The following B4GALNT4 variants were observed in gnomAD, a reference collection of about 807,000 sequenced individuals.
The protein encoded by B4GALNT4 is beta-1,4-N-acetyl-galactosaminyltransferase 4, also known as N-acetyl-beta-glucosaminyl-glycoprotein 4-beta-N-acetylgalactosaminyltransferase 1.
B4GALNT4 carries 77 observed loss-of-function variants against 110.0 expected under a neutral mutation model. The ratio of observed to expected loss-of-function variants is 0.70; its 90% CI spans 0.58 to 0.85. B4GALNT4 has a LOEUF of 0.85. Ranked by LOEUF, B4GALNT4 falls within the 40% of genes least tolerant of loss-of-function variation. The pLI is 0.00. For missense variants in B4GALNT4, 1,575 were observed against 1,506.0 expected, an observed-to-expected ratio of 1.05 and a Z score of -0.76; for synonymous variants, 785 against 655.5, an observed-to-expected ratio of 1.20 and a Z score of -3.02.
chr11:373,708 G>C (rs1225020006), intron 7 of B4GALNT4, 42 bp from the exon 8 acceptor site: 2 of 1,599,384 alleles, frequency 1.3e-6, no homozygotes. Flanking sequence ...CACTATTTGA[G>C]CGTCCTGTGC....
chr11:371,932 G>T (rs1175804808), intron 1 of B4GALNT4, among the ~76,000 whole-genome samples, 177 bp from the exon 2 acceptor site: 1 of 152,218 alleles, frequency 6.6e-6, no homozygotes, highest in Non-Finnish European at 1.5e-5. Flanking sequence ...CTTGCTGGGG[G>T]GAGGGGCATC....
intron 6 of B4GALNT4, 35 bp from the exon 7 acceptor site, chr11:373,414 C>CCCCCA: frequency 9.0e-7 from 1 of 1,111,260 alleles, no homozygotes; most frequent in South Asian, 1.3e-5. Context: ...GTGAACCCCC[C>CCCCCA]CCCCCACCAC....
rs1564872621 is a variant in B4GALNT4 at position 379,999 on chromosome 11, G to A, written c.2622G>A (p.Leu874=). Residue 874 remains leucine (L), a synonymous_variant, in exon 16 of 20, where the codon CTG becomes CTA. Coordinates refer to ENST00000329962, the MANE Select transcript of B4GALNT4 (RefSeq NM_178537.5). ...AGGATATGGACGTGGAGCGGGCCCT[G>A]CGCGCCGCGCGCCTGCCCCGGTAAC... ...ESEDMDVERA[L]RAARLPRYQY... is the part of the protein sequence containing the mutation. 1 of 1,612,646 alleles carries A rather than the reference G, an allele frequency of 6.2e-7. No homozygotes were observed. The highest frequency in any genetic ancestry group is 2.2e-5 in the East Asian group (1 of 44,850).
In B4GALNT4 at chr11:375,919, A is replaced by G. The variant is rs756117922; in HGVS notation, c.1058A>G (p.Lys353Arg). 1.9e-6 allele frequency: 3 copies of G among 1,612,028 alleles called. No individual in the cohort carries two copies. The highest frequency in any genetic ancestry group is 2.5e-6 in the Non-Finnish European group (3 of 1,179,576). The change falls in exon 11 of 20, where the codon AAG becomes AGG. Residue 353 changes from lysine to arginine, a missense_variant. Lys to Arg is a conservative substitution (Grantham distance 26). Coordinates refer to ENST00000329962, the MANE Select transcript of B4GALNT4 (RefSeq NM_178537.5). ...GCCTACGCCCCCACCTACGTGGTCA[A>G]GGACTTCCCGATCGCCAGATACCAG... ...PCAYAPTYVV[K>R]DFPIARYQGL...
In B4GALNT4 at chr11:376,407, C is replaced by T. The variant is rs775519823; in HGVS notation, c.1298-14C>T. The T allele has an allele frequency of 1.2e-6, 2 of 1,600,862 alleles. No individual in the cohort carries two copies. The highest frequency in any genetic ancestry group is 1.7e-6 in the Non-Finnish European group (2 of 1,177,890). ...CCACCTGCGCAGGGAGCTTCTAACC[C>T]GCGTTTCCCGCAGACTTCCTGGACG... On this transcript the variant is annotated splice_polypyrimidine_tract_variant and intron_variant, in intron 13 of 19. Coordinates refer to ENST00000329962, the MANE Select transcript of B4GALNT4 (RefSeq NM_178537.5).
At position 373,072 on chromosome 11, in the gene B4GALNT4, A is replaced by G. The variant is rs1196177322; in HGVS notation, c.491A>G (p.Asn164Ser). Reference protein sequence around the residue: ...KKLAVSPKWKNYGLRIFGFIH... With the variant: ...KKLAVSPKWKSYGLRIFGFIH... ...TTGGCCGTGTCCCCCAAGTGGAAGAACTATGGACTCCGTATTTTTGGTTTC... is the reference window on the plus strand; with the variant it reads ...TTGGCCGTGTCCCCCAAGTGGAAGAGCTATGGACTCCGTATTTTTGGTTTC... Residue 164 changes from asparagine to serine, a missense_variant, in exon 5 of 20, where the codon AAC becomes AGC. Physicochemically the swap from Asn to Ser is conservative, Grantham distance 46 (BLOSUM62 1). Transcript: ENST00000329962. 1.2e-6 allele frequency: 2 copies of G among 1,612,172 alleles called. No homozygotes were observed. The highest frequency in any genetic ancestry group is 1.7e-6 in the Non-Finnish European group (2 of 1,179,804).
chr11:378,459 G>A (rs934537320), intron 14 of B4GALNT4, among the ~76,000 whole-genome samples: 1 of 152,174 alleles, frequency 6.6e-6, no homozygotes, highest in Non-Finnish European at 1.5e-5. Flanking sequence ...GCCCACCTGG[G>A]TATGGCTCAA....
chr11:379,576 A>T lies in B4GALNT4; in HGVS notation c.2363A>T (p.Asp788Val). ...FLRLPGARVG[D>V]ADGESPEPAP... Reference sequence around the variant, plus strand: ...CGGCTGCCGGGAGCCCGCGTAGGGGATGCAGACGGAGAAAGTCCCGAACCC... The same window carrying T: ...CGGCTGCCGGGAGCCCGCGTAGGGGTTGCAGACGGAGAAAGTCCCGAACCC... The change falls in exon 15 of 20, where the codon GAT becomes GTT. Residue 788 changes from aspartate (D) to valine (V), a missense_variant. By Grantham distance (152) the Asp-to-Val change is radical (BLOSUM62 -3). Coordinates refer to ENST00000329962, the MANE Select transcript of B4GALNT4 (RefSeq NM_178537.5). The T allele has an allele frequency of 6.3e-7, 1 of 1,585,084 alleles. No homozygotes were observed. Among genetic ancestry groups the T allele is most frequent in the South Asian group, 1.1e-5 (1 of 89,452 alleles).
Position 381,865 on chromosome 11 carries a change from CCGAG to C in B4GALNT4, c.*74_*77del. On this transcript the variant is annotated 3_prime_UTR_variant, in exon 20 of 20. Transcript: ENST00000329962. Reference sequence around the variant, plus strand: ...TGGGGGCTGGGCTTTGAGCTCGGTCCCGAGAGACCCGGCAGGGCTGGTCAGAGGG... The same window carrying C: ...TGGGGGCTGGGCTTTGAGCTCGGTCCAGACCCGGCAGGGCTGGTCAGAGGG... 1 of 1,447,116 alleles carries C rather than the reference CCGAG, an allele frequency of 6.9e-7. No individual in the cohort carries two copies. The highest frequency in any genetic ancestry group is 1.4e-5 in the South Asian group (1 of 71,912). 89.6% of individuals were successfully genotyped at this position (1,447,116 alleles called of 1,614,324 possible).
intron 6 of B4GALNT4, 26 bp from the exon 7 acceptor site, chr11:373,419 CACCA>C (rs1590335633): frequency 3.3e-4 from 354 of 1,083,520 alleles, no homozygotes; most frequent in Admixed American, 1.5e-3. Context: ...CCCCCCCCCC[CACCA>C]CCACCCCTGC....
At chr11:374,203 T>C (rs1846678167) in intron 8 of B4GALNT4, among the ~76,000 whole-genome samples, 1 of 152,102 alleles carries the variant, frequency 6.6e-6, no homozygotes, top group Non-Finnish European at 1.5e-5. Flanking sequence ...AGCAGCACTC[T>C]GGACAGATAG....
intron 14 of B4GALNT4, among the ~76,000 whole-genome samples, chr11:377,794 C>T (rs1023957168): frequency 7.2e-5 from 11 of 152,238 alleles, no homozygotes; most frequent in African/African-American, 2.7e-4. Context: ...TGTCAGGACC[C>T]GACTGCAGAG....
At position 379,424 on chromosome 11, in the gene B4GALNT4, C is replaced by T. The variant is rs1052412534; in HGVS notation, c.2211C>T (p.Phe737=). The T allele has an allele frequency of 1.3e-6, 2 of 1,516,644 alleles. No homozygotes were observed. Among genetic ancestry groups the T allele is most frequent in the Admixed American group, 4.4e-5 (2 of 45,884 alleles). The allele number at this position is 1,516,644 out of a possible 1,614,324, so 93.9% of individuals were successfully genotyped here. A position where few individuals can be genotyped will look rare whatever the true frequency, so the allele number is the denominator to read the frequency against. The change falls in exon 15 of 20, where the codon TTC becomes TTT. Residue 737 remains phenylalanine (F), a synonymous_variant. Transcript: ENST00000329962. ...TGACCGCTGAGCCTTGCAGGCGCTT[C>T]GCGCTTCTGCGCATCGTGAACGTGG... is the stretch of plus-strand genomic sequence containing the variant. ...ERLNARHGGR[F]ALLRIVNVEK... is the part of the protein sequence containing the mutation.
Position 379,583 on chromosome 11 carries a change from C to A in B4GALNT4, c.2370C>A (p.Asp790Glu). The A allele has an allele frequency of 1.9e-6, 3 of 1,583,396 alleles. No individual in the cohort carries two copies. Among genetic ancestry groups the A allele is most frequent in the Non-Finnish European group, 2.6e-6 (3 of 1,166,424 alleles). Residue 790 changes from aspartate to glutamate, a missense_variant, in exon 15 of 20, where the codon GAC becomes GAA. Coordinates refer to ENST00000329962, the MANE Select transcript of B4GALNT4 (RefSeq NM_178537.5). ...RLPGARVGDA[D>E]GESPEPAPAA... The stretch of plus-strand genomic sequence containing the variant: ...CGGGAGCCCGCGTAGGGGATGCAGA[C>A]GGAGAAAGTCCCGAACCCGCTCCCG...
chr11:379,902 C>T lies in B4GALNT4; in HGVS notation c.2525C>T (p.Ala842Val), dbSNP rs761780147. ...GCACGGTGGGTGGCACAGTTCCTGG[C>T]GGACATGGCTGCGCTGCACGCGCGC... ...NQARWVAQFLADMAALHARTG... is the reference protein window; with the variant it reads ...NQARWVAQFLVDMAALHARTG... The change falls in exon 16 of 20, where the codon GCG (alanine) becomes GTG (valine). Residue 842 changes from alanine to valine, a missense_variant. Transcript: ENST00000329962. 6 of 1,608,236 alleles carry T rather than the reference C, an allele frequency of 3.7e-6. No homozygotes were observed. The highest frequency in any genetic ancestry group is 1.1e-5 in the South Asian group (1 of 90,896).
Position 372,295 on chromosome 11 carries a change from C to T in B4GALNT4, c.255+83C>T, listed in dbSNP as rs1273067195. The T allele has an allele frequency of 7.7e-6, 10 of 1,301,466 alleles. 1 individual carries two copies. In the South Asian group the frequency reaches 1.1e-4, roughly 15 times the overall value. 80.6% of individuals were successfully genotyped at this position (1,301,466 alleles called of 1,614,324 possible). A position where few individuals can be genotyped will look rare whatever the true frequency, so the allele number is the denominator to read the frequency against. On this transcript the variant is annotated intron_variant, in intron 2 of 19. Transcript: ENST00000329962. ...GTGTGTTGGTGTCTTGAGAACCTGTCCATTCTGGAGGACGCAGCAGGGGGC... is the reference window on the plus strand; with the variant it reads ...GTGTGTTGGTGTCTTGAGAACCTGTTCATTCTGGAGGACGCAGCAGGGGGC...
rs1846725787 is a variant in B4GALNT4, at chr11:375,523, C to T, written c.846C>T (p.Tyr282=). Residue 282 remains tyrosine, a synonymous_variant, in exon 9 of 20, where the codon TAC becomes TAT. Coordinates refer to ENST00000329962, the MANE Select transcript of B4GALNT4 (RefSeq NM_178537.5). ...EVISSAHISL[Y]TDESALKMDH... is the part of the protein sequence containing the mutation. ...TCAGCTCTGCTCACATCTCCCTGTA[C>T]ACAGGTGCGAGCGGACGCCTCTGGG... 3 of 1,611,022 alleles carry T rather than the reference C, an allele frequency of 1.9e-6. No homozygotes were observed. Among genetic ancestry groups the T allele is most frequent in the Non-Finnish European group, 1.7e-6 (2 of 1,179,780 alleles).
intron 1 of B4GALNT4, 104 bp downstream of exon 1, chr11:370,058 C>A (rs1015045498): frequency 4.5e-5 from 6 of 134,684 alleles, no homozygotes; most frequent in African/African-American, 1.6e-4. Flanking sequence ...CGGCGGGGGC[C>A]CCGGGGCGCG....
chr11:373,552 G>C (rs774886142), intron 7 of B4GALNT4, 36 bp downstream of exon 7: 3 of 1,602,832 alleles, frequency 1.9e-6, no homozygotes, highest in Non-Finnish European at 2.6e-6. Flanking sequence ...GTGCACTTGT[G>C]TATTCGTGGG....
Sources: gnomAD v4.1 joint callset for allele counts (sites outside exome capture counted in the v4.1 genomes callset) on GRCh38, gnomAD v4.1.1 for gene constraint, MANE v1.5 for transcripts, NCBI Gene and HGNC (gene_info 2026-07-23, HGNC 2026-07-21) for gene names.